The following TBC1D22A variants were observed in gnomAD, a reference collection of about 807,000 sequenced individuals.
The protein encoded by TBC1D22A is TBC1 domain family member 22A.
TBC1D22A carries 38 observed loss-of-function variants against 60.2 expected under a neutral mutation model. The observed-to-expected ratio is 0.63, with a 90% confidence interval of 0.49 to 0.83. TBC1D22A has a LOEUF of 0.83. Ranked by LOEUF, TBC1D22A falls within the 40% of genes least tolerant of loss-of-function variation. TBC1D22A has a pLI of 0.00. For synonymous variants in TBC1D22A, 302 were observed against 281.7 expected, an observed-to-expected ratio of 1.07 and a Z score of -0.72; for missense variants, 628 against 701.0, an observed-to-expected ratio of 0.90 and a Z score of 1.18.
At chr22:46,852,985 G>T (rs995541588) in intron 4 of TBC1D22A, among the ~76,000 whole-genome samples, 3 of 152,204 alleles carry the variant, frequency 2.0e-5, no homozygotes, top group African/African-American at 7.2e-5. Flanking sequence ...TCCATTGCCT[G>T]CACACTGTGA....
intron 4 of TBC1D22A, among the ~76,000 whole-genome samples, chr22:46,817,446 C>T (rs558458002): frequency 2.0e-5 from 3 of 152,288 alleles, no homozygotes; most frequent in Non-Finnish European, 4.4e-5. Context: ...TGTTGTTCCG[C>T]TCTCTGTGTC....
At chr22:46,878,809 C>G (rs1569164976) in intron 5 of TBC1D22A, 86 bp downstream of exon 5, 1 of 1,308,052 alleles carries the variant, frequency 7.6e-7, no homozygotes, top group Non-Finnish European at 1.1e-6. Flanking sequence ...CTGACAGCCA[C>G]AGCCCACGGG....
intron 4 of TBC1D22A, among the ~76,000 whole-genome samples, chr22:46,863,956 G>A (rs530849448): frequency 4.6e-5 from 7 of 152,236 alleles, no homozygotes; most frequent in African/African-American, 1.7e-4. Context: ...TTGTACAGAG[G>A]CCTCTCGAGT....
chr22:47,130,949 T>C (rs950310733), intron 12 of TBC1D22A, among the ~76,000 whole-genome samples: 5 of 152,218 alleles, frequency 3.3e-5, no homozygotes, highest in Admixed American at 1.3e-4. Flanking sequence ...GGCTGCAGCA[T>C]CTGCTCAGCT....
At chr22:47,027,404 G>T (rs945145614) in intron 10 of TBC1D22A, among the ~76,000 whole-genome samples, 3 of 152,154 alleles carry the variant, frequency 2.0e-5, no homozygotes, top group African/African-American at 7.2e-5. Context: ...CTTTAGTGGT[G>T]ATTGGTGAGA....
intron 11 of TBC1D22A, among the ~76,000 whole-genome samples, chr22:47,053,791 C>T (rs2063305362): frequency 6.6e-6 from 1 of 152,228 alleles, no homozygotes; most frequent in Non-Finnish European, 1.5e-5. Context: ...TGGATTCCCG[C>T]GTGCTGCCTT....
intron 12 of TBC1D22A, among the ~76,000 whole-genome samples, chr22:47,144,226 C>T (rs1229306502): frequency 2.6e-5 from 4 of 152,226 alleles, no homozygotes; most frequent in African/African-American, 4.8e-5. Context: ...CTGTCAGAGC[C>T]GTGCACTTGG....
At chr22:46,915,239 C>T (rs2070272525) in intron 8 of TBC1D22A, 2 of 361,348 alleles carry the variant, frequency 5.5e-6, no homozygotes, top group Non-Finnish European at 1.1e-5. Flanking sequence ...AGCTCATAGA[C>T]CAGGGACCCG....
At chr22:47,016,874 A>T (rs1466057093) in intron 10 of TBC1D22A, among the ~76,000 whole-genome samples, 1 of 152,194 alleles carries the variant, frequency 6.6e-6, no homozygotes, top group Non-Finnish European at 1.5e-5. Flanking sequence ...TGCTCCTCAG[A>T]GTCCTGGGCC....
chr22:46,975,647 G>A (rs773844370), intron 9 of TBC1D22A, among the ~76,000 whole-genome samples: 33 of 152,168 alleles, frequency 2.2e-4, no homozygotes, highest in Admixed American at 6.5e-5. Flanking sequence ...GAGCCATTGC[G>A]GTAAAGGTTG....
chr22:47,113,767 A>G (rs190271975), intron 12 of TBC1D22A, among the ~76,000 whole-genome samples: 1 of 152,172 alleles, frequency 6.6e-6, no homozygotes, highest in Non-Finnish European at 1.5e-5. Flanking sequence ...CCTGTTGTGA[A>G]TACGTGCAGA....
At chr22:47,048,726 A>G (rs911284874) in intron 11 of TBC1D22A, among the ~76,000 whole-genome samples, 4 of 152,162 alleles carry the variant, frequency 2.6e-5, no homozygotes, top group Admixed American at 2.6e-4. Context: ...GTTCCTGTGC[A>G]GGGTGGGATG....
chr22:47,165,183 C>T (rs1046395196), intron 12 of TBC1D22A, among the ~76,000 whole-genome samples: 5 of 152,076 alleles, frequency 3.3e-5, no homozygotes, highest in African/African-American at 1.2e-4. Context: ...TCGTGATTGC[C>T]AGGGCCCTGT....
chr22:46,786,507 G>A (rs1025469008), intron 1 of TBC1D22A, among the ~76,000 whole-genome samples: 4 of 152,134 alleles, frequency 2.6e-5, no homozygotes, highest in Admixed American at 1.3e-4. Flanking sequence ...TGGTATCACG[G>A]TAGTACTTGC....
chr22:47,144,726 CG>C (rs2067228610), intron 12 of TBC1D22A, among the ~76,000 whole-genome samples: 3 of 145,336 alleles, frequency 2.1e-5, no homozygotes, highest in African/African-American at 7.6e-5. Flanking sequence ...GGGTGCAGCC[CG>C]TGAAGGTGCC....
intron 10 of TBC1D22A, among the ~76,000 whole-genome samples, chr22:47,012,138 T>C (rs1367483852): frequency 1.3e-5 from 2 of 152,130 alleles, no homozygotes; most frequent in East Asian, 3.9e-4. Context: ...GTTTCCTCTT[T>C]GGAAGAGCCT....
At chr22:47,101,315 C>A (rs1231466443) in intron 11 of TBC1D22A, among the ~76,000 whole-genome samples, 2 of 152,210 alleles carry the variant, frequency 1.3e-5, no homozygotes, top group African/African-American at 2.4e-5. Context: ...TCCCCCTGCC[C>A]CCCAAACCAG....
intron 9 of TBC1D22A, among the ~76,000 whole-genome samples, chr22:46,979,298 G>T (rs1403347904): frequency 6.6e-6 from 1 of 152,182 alleles, no homozygotes; most frequent in African/African-American, 2.4e-5. Context: ...TAATTTAAAA[G>T]CTCAGATATT....
At chr22:46,799,822 T>G (rs893215617) in intron 4 of TBC1D22A, among the ~76,000 whole-genome samples, 4 of 152,236 alleles carry the variant, frequency 2.6e-5, no homozygotes, top group Admixed American at 6.5e-5. Context: ...CGTGTTCTCC[T>G]TGGTCATCAC....
Sources: gnomAD v4.1 joint callset for allele counts (sites outside exome capture counted in the v4.1 genomes callset) on GRCh38, gnomAD v4.1.1 for gene constraint, MANE v1.5 for transcripts, NCBI Gene and HGNC (gene_info 2026-07-23, HGNC 2026-07-21) for gene names.